The following HSDL2 variants were observed in gnomAD, a reference collection of about 807,000 sequenced individuals.
The protein encoded by HSDL2 is hydroxysteroid dehydrogenase like 2.
HSDL2 carries 27 observed loss-of-function variants against 46.3 expected under a neutral mutation model. The ratio of observed to expected loss-of-function variants is 0.58; its 90% CI spans 0.43 to 0.80. The LOEUF (loss-of-function observed/expected upper bound fraction) is 0.80, where lower values mean the gene tolerates loss of function less well. Among genes scored for constraint, HSDL2 ranks in the 30% least tolerant of loss-of-function variants. The pLI, the probability that HSDL2 is intolerant of heterozygous loss-of-function variation, is 0.00. For missense variants in HSDL2, 451 were observed against 502.7 expected (o/e 0.90, Z 0.98); for synonymous variants, 153 against 163.6 (o/e 0.94, Z 0.50).
At chr9:112,421,029 A>G (rs1442453070) in intron 6 of HSDL2, among the ~76,000 whole-genome samples, 1 of 152,024 alleles carries the variant, frequency 6.6e-6, no homozygotes, top group East Asian at 1.9e-4. Flanking sequence ...TTTTCATTTC[A>G]CTCTTTAAAA....
intron 1 of HSDL2, among the ~76,000 whole-genome samples, chr9:112,390,690 C>G (rs1027901821): frequency 1.3e-5 from 2 of 151,954 alleles, no homozygotes; most frequent in South Asian, 2.1e-4. Context: ...TGGGCTCAAT[C>G]GATCCTCCCA....
intron 3 of HSDL2, among the ~76,000 whole-genome samples, chr9:112,408,490 G>A (rs1831784372): frequency 6.6e-6 from 1 of 152,216 alleles, no homozygotes; most frequent in Non-Finnish European, 1.5e-5. Context: ...ATTGCTTAAT[G>A]ATGGGGATAT....
At chr9:112,465,842 T>A (rs1341372298) in intron 10 of HSDL2, among the ~76,000 whole-genome samples, 1 of 152,254 alleles carries the variant, frequency 6.6e-6, no homozygotes, top group African/African-American at 2.4e-5. Flanking sequence ...AATGCTTCGA[T>A]AAACATTCAT....
chr9:112,431,909 C>T (rs1281980210), intron 6 of HSDL2, among the ~76,000 whole-genome samples: 3 of 137,606 alleles, frequency 2.2e-5, no homozygotes, highest in African/African-American at 8.3e-5. Flanking sequence ...GAGTCTTGCT[C>T]TGTTGCCCAG....
intron 8 of HSDL2, among the ~76,000 whole-genome samples, chr9:112,447,064 G>C (rs1193044335): frequency 3.9e-5 from 6 of 152,172 alleles, no homozygotes; most frequent in Non-Finnish European, 8.8e-5. Flanking sequence ...CCTAGATTCA[G>C]ACAATAGATT....
intron 1 of HSDL2, among the ~76,000 whole-genome samples, chr9:112,401,075 C>A (rs1472429049): frequency 6.6e-6 from 1 of 152,078 alleles, no homozygotes; most frequent in Admixed American, 6.5e-5. Flanking sequence ...TGATAACATC[C>A]CTTGCTGTTA....
rs1355854077 is a variant in HSDL2, at chr9:112,404,170, A to G, written c.181+12A>G. 1 of 1,610,268 alleles carries G rather than the reference A, an allele frequency of 6.2e-7. No individual in the cohort carries two copies. The highest frequency in any genetic ancestry group is 1.7e-5 in the Admixed American group (1 of 59,528). Reference sequence around the variant, plus strand: ...TGCTGCTGAAGAAAGTGAGTGTGACAGTGCCATTTGATAAAATGTCTTTCT... The same window carrying G: ...TGCTGCTGAAGAAAGTGAGTGTGACGGTGCCATTTGATAAAATGTCTTTCT... On this transcript the variant is annotated intron_variant, in intron 2 of 10. Transcript: ENST00000398805.
chr9:112,391,886 C>CAAA lies in HSDL2; in HGVS notation c.17+11716_17+11718dup, dbSNP rs769571189. On this transcript the variant is annotated intron_variant, in intron 1 of 10. Coordinates refer to ENST00000398805, the MANE Select transcript of HSDL2 (RefSeq NM_032303.5). ...GGGCGACAAGAGCAAAACTCTGTCTCAAAAAAAAAAAAGAAAAGAAAAGAA... is the reference window on the plus strand; with the variant it reads ...GGGCGACAAGAGCAAAACTCTGTCTCAAAAAAAAAAAAAAAGAAAAGAAAAGAA... Among the ~76,000 whole-genome samples the CAAA allele has an allele frequency of 3.2e-3, 179 of 55,160 alleles. 1 individual carries two copies. The highest frequency in any genetic ancestry group is 0.01 in the African/African-American group (165 of 16,270). The allele number at this position is 55,160 out of a possible 152,430, so 36.2% of individuals were successfully genotyped here.
chr9:112,424,320 C>CAA (rs34751911), intron 6 of HSDL2, among the ~76,000 whole-genome samples: 17,023 of 125,010 alleles, frequency 0.14, 1,428 homozygotes, highest in East Asian at 0.21. Flanking sequence ...GATTCCATCT[C>CAA]AAAAAAAAAA....
At chr9:112,429,307 A>G (rs138022782) in intron 6 of HSDL2, among the ~76,000 whole-genome samples, 58 of 152,366 alleles carry the variant, frequency 3.8e-4, no homozygotes, top group African/African-American at 1.4e-3. Flanking sequence ...TTTATTAACT[A>G]TCTACTCGGT....
chr9:112,438,678 C>A, intron 7 of HSDL2, 53 bp downstream of exon 7: 1 of 1,041,878 alleles, frequency 9.6e-7, no homozygotes, highest in Non-Finnish European at 1.4e-6. Flanking sequence ...ATATTTTCTG[C>A]AATGAACATA....
At chr9:112,428,353 T>G (rs530333936) in intron 6 of HSDL2, among the ~76,000 whole-genome samples, 1 of 152,380 alleles carries the variant, frequency 6.6e-6, no homozygotes, top group South Asian at 2.1e-4. Flanking sequence ...CATGTTTTAT[T>G]GCTTCTTTGT....
At chr9:112,418,643 G>GAT (rs1329893393) in intron 5 of HSDL2, among the ~76,000 whole-genome samples, 2 of 150,714 alleles carry the variant, frequency 1.3e-5, no homozygotes, top group Non-Finnish European at 2.9e-5. Flanking sequence ...TTTTCTTCCT[G>GAT]ATATATATGT....
chr9:112,433,930 C>G (rs1184616780), intron 6 of HSDL2: 7 of 152,560 alleles, frequency 4.6e-5, no homozygotes, highest in East Asian at 1.9e-4. Context: ...ATGTTCTTCT[C>G]AACACTGACT....
intron 6 of HSDL2, among the ~76,000 whole-genome samples, chr9:112,436,540 T>A (rs536930977): frequency 6.6e-6 from 1 of 152,212 alleles, no homozygotes; most frequent in East Asian, 1.9e-4. Context: ...ATCTTATAGA[T>A]GAAAATATGT....
intron 1 of HSDL2, among the ~76,000 whole-genome samples, chr9:112,384,842 T>C (rs1424439686): frequency 6.6e-6 from 1 of 151,486 alleles, no homozygotes; most frequent in Non-Finnish European, 1.5e-5. Flanking sequence ...ACTGCTGACC[T>C]GGCACTAACC....
At position 112,436,960 on chromosome 9, in the gene HSDL2, C is replaced by CTTTTTTTTTTTTTTTT. The variant is rs780957603; in HGVS notation, c.599-1469_599-1454dup. 1.5e-3 allele frequency among the ~76,000 whole-genome samples: 186 copies of CTTTTTTTTTTTTTTTT among 126,746 alleles called. 2 individuals are homozygous for CTTTTTTTTTTTTTTTT. The highest frequency in any genetic ancestry group is 1.9e-3 in the Non-Finnish European group (120 of 62,536). The allele number at this position is 126,746 out of a possible 152,430, so 83.2% of individuals were successfully genotyped here. A position where few individuals can be genotyped will look rare whatever the true frequency, so the allele number is the denominator to read the frequency against. On this transcript the variant is annotated intron_variant, in intron 6 of 10. Coordinates refer to ENST00000398805, the MANE Select transcript of HSDL2 (RefSeq NM_032303.5). ...TTACTTCTCTTTCTTTTCTTTTTTT[C>CTTTTTTTTTTTTTTTT]TTTTTTTTTTTTTTTTTGAGACGGA...
At chr9:112,441,294 C>T (rs1450582622) in intron 7 of HSDL2, among the ~76,000 whole-genome samples, 1 of 151,934 alleles carries the variant, frequency 6.6e-6, no homozygotes, top group African/African-American at 2.4e-5. Context: ...GAGAAGAGAC[C>T]CAAGTGCACT....
chr9:112,442,268 C>CAAAAA (rs71382431), intron 8 of HSDL2, among the ~76,000 whole-genome samples: 1 of 47,440 alleles, frequency 2.1e-5, no homozygotes, highest in Non-Finnish European at 3.9e-5. Flanking sequence ...GACCCTGTCT[C>CAAAAA]AAAAAAAAAA....
Sources: allele counts gnomAD v4.1 joint callset (sites outside exome capture counted in the v4.1 genomes callset), GRCh38; gene constraint gnomAD v4.1.1; transcripts MANE v1.5; gene names NCBI Gene and HGNC (gene_info 2026-07-23, HGNC 2026-07-21).